FSCB: variants seen among roughly 807,000 people sequenced by gnomAD.
The protein encoded by FSCB is fibrous sheath CABYR binding protein, also known as fibrous sheath CABYR-binding protein.
For synonymous variants in FSCB, 331 were observed against 336.6 expected (o/e 0.98, Z 0.18); for missense variants, 975 against 934.8 (o/e 1.04, Z -0.56).
Position 44,506,137 on chromosome 14 carries a change from C to T in FSCB, c.851G>A (p.Arg284Lys). 6.2e-7 allele frequency: 1 copy of T among 1,614,096 alleles called. No homozygotes were observed. ...VEEATAKAEP[R>K]PAEETHVQVQ... The stretch of plus-strand genomic sequence containing the variant: ...TTGGACATGGGTCTCTTCAGCAGGT[C>T]TGGGCTCCGCTTTAGCAGTGGCCTC... Residue 284 changes from arginine (R) to lysine (K), a missense_variant, in exon 1 of 1, where the codon AGA becomes AAA. Physicochemically the swap from Arg to Lys is conservative, Grantham distance 26 (BLOSUM62 2). Coordinates refer to ENST00000340446, the MANE Select transcript of FSCB (RefSeq NM_032135.4).
Position 44,504,460 on chromosome 14 carries a change from G to A in FSCB, c.*50C>T, listed in dbSNP as rs117930837. ...CGCTGCCCACCCTTTTCTAAAGTAT[G>A]TTCTTCCAAAACCATGTAGCTTCTG... is the stretch of plus-strand genomic sequence containing the variant. On this transcript the variant is annotated 3_prime_UTR_variant, in exon 1 of 1. Coordinates refer to ENST00000340446, the MANE Select transcript of FSCB (RefSeq NM_032135.4). The A allele has an allele frequency of 5.9e-4, 848 of 1,427,648 alleles. 12 individuals are homozygous for A. In the East Asian group the frequency reaches 0.014, roughly 24 times the overall value. 88.4% of individuals were successfully genotyped at this position (1,427,648 alleles called of 1,614,324 possible). A position where few individuals can be genotyped will look rare whatever the true frequency, so the allele number is the denominator to read the frequency against.
chr14:44,505,793 A>C lies in FSCB; in HGVS notation c.1195T>G (p.Leu399Val). ...AQKAPIEVQP[L>V]PAEGALEEAP... ...TCTTCAAGGGCGCCCTCAGCTGGTAAAGGCTGTACTTCAATGGGAGCCTTT... is the reference window on the plus strand; with the variant it reads ...TCTTCAAGGGCGCCCTCAGCTGGTACAGGCTGTACTTCAATGGGAGCCTTT... The change falls in exon 1 of 1, where the codon TTA (leucine) becomes GTA (valine). Residue 399 changes from leucine (L) to valine (V), a missense_variant. By Grantham distance (32) the Leu-to-Val change is conservative. Transcript: ENST00000340446. 6.2e-7 allele frequency: 1 copy of C among 1,613,912 alleles called. No individual in the cohort carries two copies. Among genetic ancestry groups the C allele is most frequent in the African/African-American group, 1.3e-5 (1 of 74,958 alleles).
At position 44,505,821 on chromosome 14, in the gene FSCB, T is replaced by C. The variant is rs748227971; in HGVS notation, c.1167A>G (p.Ala389=). 42 of 1,613,928 alleles carry C rather than the reference T, an allele frequency of 2.6e-5. No homozygotes were observed. Among genetic ancestry groups the C allele is most frequent in the Non-Finnish European group, 3.6e-5 (42 of 1,180,006 alleles). ...ELLGEIRSPS[A]QKAPIEVQPL... ...GCTGTACTTCAATGGGAGCCTTTTG[T>C]GCTGAGGGAGACCGAATTTCACCAA... Residue 389 remains alanine (A), a synonymous_variant, in exon 1 of 1, where the codon GCA becomes GCG. Coordinates refer to ENST00000340446, the MANE Select transcript of FSCB (RefSeq NM_032135.4).
Position 44,505,390 on chromosome 14 carries a change from G to A in FSCB, c.1598C>T (p.Ala533Val). Residue 533 changes from alanine (A) to valine (V), a missense_variant, in exon 1 of 1, where the codon GCT becomes GTT. Physicochemically the swap from Ala to Val is moderately conservative, Grantham distance 64. Coordinates refer to ENST00000340446, the MANE Select transcript of FSCB (RefSeq NM_032135.4). ...AEIQLLAAIE[A>V]PADETPAEAQ... The stretch of plus-strand genomic sequence containing the variant: ...TTCAGCAGGAGTTTCATCTGCAGGA[G>A]CCTCTATAGCTGCTAGAAGCTGAAT... The A allele has an allele frequency of 6.2e-7, 1 of 1,612,536 alleles. No homozygotes were observed. The highest frequency in any genetic ancestry group is 8.5e-7 in the Non-Finnish European group (1 of 1,179,972).
At chr14:44,505,453 AATGG>A in the FSCB span, 1 of 1,609,036 alleles carries the variant, frequency 6.2e-7, no homozygotes, top group African/African-American at 1.4e-5. Context: ...CTCTTCAGCT[AATGG>A]AGATTGAACT....
At position 44,505,823 on chromosome 14, in the gene FSCB, C is replaced by T. The variant is rs749595675; in HGVS notation, c.1165G>A (p.Ala389Thr). 7.4e-6 allele frequency: 12 copies of T among 1,613,950 alleles called. No individual in the cohort carries two copies. In the East Asian group the frequency reaches 2.7e-4, roughly 36 times the overall value. ...ELLGEIRSPS[A>T]QKAPIEVQPL... ...TGTACTTCAATGGGAGCCTTTTGTG[C>T]TGAGGGAGACCGAATTTCACCAAGA... The change falls in exon 1 of 1, where the codon GCA becomes ACA. Residue 389 changes from alanine to threonine, a missense_variant. Ala to Thr is a moderately conservative substitution (Grantham distance 58). Coordinates refer to ENST00000340446, the MANE Select transcript of FSCB (RefSeq NM_032135.4).
chr14:44,504,570 G>C lies in FSCB; in HGVS notation c.2418C>G (p.Pro806=). 1 of 1,613,948 alleles carries C rather than the reference G, an allele frequency of 6.2e-7. No homozygotes were observed. The highest frequency in any genetic ancestry group is 1.1e-5 in the South Asian group (1 of 91,050). ...GAAAAACACTTTCTATTTCAAGAGT[G>C]GGAGCCTGTCCATCATTGGTATTAG... ...DLSNTNDGQA[P]TLEIESVFHI... Residue 806 remains proline (P), a synonymous_variant, in exon 1 of 1, where the codon CCC becomes CCG. Coordinates refer to ENST00000340446, the MANE Select transcript of FSCB (RefSeq NM_032135.4).
rs754069503 is a variant in FSCB at position 44,505,263 on chromosome 14, C to G, written c.1725G>C (p.Glu575Asp). 6 of 1,602,164 alleles carry G rather than the reference C, an allele frequency of 3.7e-6. No individual in the cohort carries two copies. In the South Asian group the frequency reaches 5.5e-5, roughly 15 times the overall value. The change falls in exon 1 of 1, where the codon GAG becomes GAC. Residue 575 changes from glutamate (E) to aspartate (D), a missense_variant. Transcript: ENST00000340446. Reference sequence around the variant, plus strand: ...TCTCTTCACCTGATGGAGGCTGAAGCTCAAGAGGGGCCTCTTCTATAGAAA... The same window carrying G: ...TCTCTTCACCTGATGGAGGCTGAAGGTCAAGAGGGGCCTCTTCTATAGAAA... ...KGVSIEEAPL[E>D]LQPPSGEETT...
chr14:44,506,215 T>C lies in FSCB; in HGVS notation c.773A>G (p.Glu258Gly). Residue 258 changes from glutamate to glycine, a missense_variant, in exon 1 of 1, where the codon GAG becomes GGG. By Grantham distance (98) the Glu-to-Gly change is moderately conservative. Coordinates refer to ENST00000340446, the MANE Select transcript of FSCB (RefSeq NM_032135.4). ...AVKKVASAEI[E>G]PPSTEKFPAK... ...TGGGAATTTTTCTGTTGATGGAGGC[T>C]CTATTTCAGCAGAAGCCACTTTTTT... 1 of 1,614,202 alleles carries C rather than the reference T, an allele frequency of 6.2e-7. No individual in the cohort carries two copies. Among genetic ancestry groups the C allele is most frequent in the Non-Finnish European group, 8.5e-7 (1 of 1,180,034 alleles).
Position 44,507,046 on chromosome 14 carries a change from T to A in FSCB, c.-59A>T. 8.2e-7 allele frequency: 1 copy of A among 1,224,064 alleles called. No individual in the cohort carries two copies. Among genetic ancestry groups the A allele is most frequent in the South Asian group, 1.6e-5 (1 of 60,678 alleles). The allele number at this position is 1,224,064 out of a possible 1,614,324, so 75.8% of individuals were successfully genotyped here. On this transcript the variant is annotated 5_prime_UTR_variant, in exon 1 of 1. Coordinates refer to ENST00000340446, the MANE Select transcript of FSCB (RefSeq NM_032135.4). ...TTGCCTACACGCTGAGATAGGCTGA[T>A]TAGAGTCATCACTTTCTTCCATTTC...
In FSCB at chr14:44,506,873, C is replaced by T. The variant is rs751736996; in HGVS notation, c.115G>A (p.Gly39Ser). 3.6e-5 allele frequency: 58 copies of T among 1,613,444 alleles called. No homozygotes were observed. The highest frequency in any genetic ancestry group is 4.9e-5 in the Non-Finnish European group (58 of 1,179,562). The part of the protein sequence containing the change: ...HRIGNTSGSK[G>S]SYSAKAYESI... ...TCATAGGCTTTGGCAGAGTAGCTGC[C>T]TTTGCTTCCAGAAGTATTACCAATA... The change falls in exon 1 of 1, where the codon GGC becomes AGC. Residue 39 changes from glycine (G) to serine (S), a missense_variant. Gly to Ser is a moderately conservative substitution (Grantham distance 56). Coordinates refer to ENST00000340446, the MANE Select transcript of FSCB (RefSeq NM_032135.4).
rs1445566020 is a variant in FSCB at position 44,504,769 on chromosome 14, G to GTTT, written c.2218_2219insAAA (p.Pro740delinsGlnThr). 6.2e-7 allele frequency: 1 copy of GTTT among 1,614,192 alleles called. No homozygotes were observed. Among genetic ancestry groups the GTTT allele is most frequent in the South Asian group, 1.1e-5 (1 of 91,080 alleles). On this transcript the variant is annotated protein_altering_variant, in exon 1 of 1. Transcript: ENST00000340446. The stretch of plus-strand genomic sequence containing the variant: ...TTCAGGGGTTTGTTCAGATGGTGGA[G>GTTT]GTGAAACTTCAGCAGAGGCCTCTCC...
At position 44,505,994 on chromosome 14, in the gene FSCB, C is replaced by T. The variant is rs1347933960; in HGVS notation, c.994G>A (p.Glu332Lys). The T allele has an allele frequency of 6.2e-7, 1 of 1,614,088 alleles. No individual in the cohort carries two copies. The change falls in exon 1 of 1, where the codon GAA becomes AAA. Residue 332 changes from glutamate (E) to lysine (K), a missense_variant. Transcript: ENST00000340446. ...TCTTCAGCTGATGGAGGCTGAATTT[C>T]AGCAGGAAACTCCACTAAAGGGGCC... Reference protein sequence around the residue: ...EEAPLVEFPAEIQPPSAEESP... With the variant: ...EEAPLVEFPAKIQPPSAEESP...
At position 44,506,887 on chromosome 14, in the gene FSCB, G is replaced by C; in HGVS notation, c.101C>G (p.Thr34Ser). 6.2e-7 allele frequency: 1 copy of C among 1,613,276 alleles called. No homozygotes were observed. Residue 34 changes from threonine to serine, a missense_variant, in exon 1 of 1, where the codon ACT becomes AGT. Coordinates refer to ENST00000340446, the MANE Select transcript of FSCB (RefSeq NM_032135.4). ...AGAGTAGCTGCCTTTGCTTCCAGAA[G>C]TATTACCAATACGATGGGTAGCTTT... ...SPKATHRIGN[T>S]SGSKGSYSAK...
rs572138282 is a variant in FSCB, at chr14:44,506,929, G to C, written c.59C>G (p.Pro20Arg). Reference sequence around the variant, plus strand: ...GGTAGCTTTGGGGCTAGATGATTTTGGTATGGCCATGTGTTTCTTTTTCTC... The same window carrying C: ...GGTAGCTTTGGGGCTAGATGATTTTCGTATGGCCATGTGTTTCTTTTTCTC... ...VIEKKKHMAI[P>R]KSSSPKATHR... is the part of the protein sequence containing the mutation. The change falls in exon 1 of 1, where the codon CCA (proline) becomes CGA (arginine). Residue 20 changes from proline to arginine, a missense_variant. Physicochemically the swap from Pro to Arg is moderately radical, Grantham distance 103 (BLOSUM62 -2). Coordinates refer to ENST00000340446, the MANE Select transcript of FSCB (RefSeq NM_032135.4). 1.9e-6 allele frequency: 3 copies of C among 1,608,052 alleles called. No homozygotes were observed. In the East Asian group the frequency reaches 6.7e-5, roughly 36 times the overall value.
In FSCB at chr14:44,505,161, T is replaced by G. The variant is rs2138675656; in HGVS notation, c.1827A>C (p.Glu609Asp). Residue 609 changes from glutamate to aspartate, a missense_variant, in exon 1 of 1, where the codon GAA becomes GAC. Transcript: ENST00000340446. ...TEASAEEAPA[E>D]VQPPPAEEAP... ...CCTCCTCAGCTGGTGGAGGCTGAAC[T>G]TCAGCAGGAGCCTCTTCTGCAGAAG... The G allele has an allele frequency of 6.2e-7, 1 of 1,611,258 alleles. No individual in the cohort carries two copies. Among genetic ancestry groups the G allele is most frequent in the East Asian group, 2.2e-5 (1 of 44,844 alleles).
In FSCB at chr14:44,505,955, C is replaced by G; in HGVS notation, c.1033G>C (p.Glu345Gln). The G allele has an allele frequency of 6.2e-7, 1 of 1,613,324 alleles. No homozygotes were observed. Among genetic ancestry groups the G allele is most frequent in the Non-Finnish European group, 8.5e-7 (1 of 1,179,338 alleles). ...GGAGGCAGAATTTCAGCCAGAAGCT[C>G]TACAGAAGGAGACTCTTCAGCTGAT... ...PPSAEESPSV[E>Q]LLAEILPPSA... Residue 345 changes from glutamate to glutamine, a missense_variant, in exon 1 of 1, where the codon GAG becomes CAG. Physicochemically the swap from Glu to Gln is conservative, Grantham distance 29 (BLOSUM62 2). Coordinates refer to ENST00000340446, the MANE Select transcript of FSCB (RefSeq NM_032135.4).
In FSCB at chr14:44,504,889, T is replaced by C. The variant is rs758300152; in HGVS notation, c.2099A>G (p.His700Arg). 6.2e-6 allele frequency: 10 copies of C among 1,613,576 alleles called. No individual in the cohort carries two copies. Among genetic ancestry groups the C allele is most frequent in the Admixed American group, 3.3e-5 (2 of 59,938 alleles). Residue 700 changes from histidine (H) to arginine (R), a missense_variant, in exon 1 of 1, where the codon CAC becomes CGC. Transcript: ENST00000340446. ...AGGGACATCATCAGCTGGGGGAGAG[T>C]GTACTGCAGCAAGGGTCTCTTCTAT... Reference protein sequence around the residue: ...TPIEETLAAVHSPPADDVPAE... With the variant: ...TPIEETLAAVRSPPADDVPAE...
chr14:44,506,458 G>C, the FSCB span: 1 of 1,614,124 alleles, frequency 6.2e-7, no homozygotes, highest in South Asian at 1.1e-5. Flanking sequence ...ATCTTCCTTT[G>C]ACTTTGTAGA....
Sources: gnomAD v4.1 joint callset for allele counts on GRCh38, gnomAD v4.1.1 for gene constraint, MANE v1.5 for transcripts, NCBI Gene and HGNC (gene_info 2026-07-23, HGNC 2026-07-21) for gene names.